Variants in BACH1 observed in about 807,000 individuals in gnomAD.
BACH1 encodes the protein transcription regulator protein BACH1.
In BACH1, 35 loss-of-function variants were observed where a neutral mutation model predicts 52.9. That is an observed-to-expected ratio of 0.66 (90% CI 0.51 to 0.88). BACH1 has a LOEUF of 0.88. BACH1 is among the 40% of genes least tolerant of loss of function. The pLI is 0.00. For synonymous variants in BACH1, 321 were observed against 319.6 expected (o/e 1.00, Z -0.05); for missense variants, 808 against 872.6 (o/e 0.93, Z 0.93).
Position 29,326,431 on chromosome 21 carries a change from G to A in BACH1, c.607G>A (p.Ala203Thr). 1 of 1,614,196 alleles carries A rather than the reference G, an allele frequency of 6.2e-7. No homozygotes were observed. The highest frequency in any genetic ancestry group is 1.1e-5 in the South Asian group (1 of 91,074). Residue 203 changes from alanine to threonine, a missense_variant, in exon 3 of 5, where the codon GCC (alanine) becomes ACC (threonine). Transcript: ENST00000286800. ...AGCCTCACCTCCTCTACAAGACAGTGCCAGTCAGACATATGAGTCCATGTG... is the reference window on the plus strand; with the variant it reads ...AGCCTCACCTCCTCTACAAGACAGTACCAGTCAGACATATGAGTCCATGTG... Reference protein sequence around the residue: ...AKASPPLQDSASQTYESMCLE... With the variant: ...AKASPPLQDSTSQTYESMCLE...
chr21:29,322,073 C>G (rs1330094730), intron 2 of BACH1, among the ~76,000 whole-genome samples: 2 of 152,166 alleles, frequency 1.3e-5, no homozygotes, highest in African/African-American at 2.4e-5. Flanking sequence ...GAAGCTCCCC[C>G]TTATAAAACC....
chr21:29,309,269 AAAAAG>A (rs2088693610), intron 1 of BACH1, among the ~76,000 whole-genome samples: 1 of 151,974 alleles, frequency 6.6e-6, no homozygotes, highest in Non-Finnish European at 1.5e-5. Flanking sequence ...AAAAAAAAAA[AAAAAG>A]AAAGATTCAC....
At chr21:29,360,362 C>G (rs776569022) in intron 2 of BACH1, among the ~76,000 whole-genome samples, 6 of 152,184 alleles carry the variant, frequency 3.9e-5, no homozygotes, top group Non-Finnish European at 7.4e-5. Context: ...TATCTAAAAG[C>G]AAGAAGTGAT....
intron 3 of BACH1, among the ~76,000 whole-genome samples, chr21:29,329,167 G>C (rs1419049579): frequency 6.6e-6 from 1 of 152,232 alleles, no homozygotes; most frequent in African/African-American, 2.4e-5. Flanking sequence ...AATTAGCCAG[G>C]CATGGTGGCA....
intron 1 of BACH1, among the ~76,000 whole-genome samples, chr21:29,312,760 A>G (rs1323712728): frequency 6.6e-6 from 1 of 152,204 alleles, no homozygotes; most frequent in East Asian, 1.9e-4. Context: ...GAGATAAAGA[A>G]TGCCTAAGTA....
rs143437195 is a variant in BACH1, at chr21:29,328,487, A to G, written c.1570-1000A>G. The stretch of plus-strand genomic sequence containing the variant: ...TATAATCACAATTTACATTCTTTTT[A>G]AAAATTATTTTTCTATTTTATCCAT... On this transcript the variant is annotated intron_variant, in intron 3 of 4. Transcript: ENST00000286800. Among the ~76,000 whole-genome samples, 41 of 151,604 alleles carry G rather than the reference A, an allele frequency of 2.7e-4. No individual in the cohort carries two copies. In the East Asian group the frequency reaches 7.7e-3, roughly 29 times the overall value.
At position 29,342,730 on chromosome 21, in the gene BACH1, C is replaced by T; in HGVS notation, c.2108C>T (p.Thr703Ile). 1 of 1,614,204 alleles carries T rather than the reference C, an allele frequency of 6.2e-7. No individual in the cohort carries two copies. The highest frequency in any genetic ancestry group is 8.5e-7 in the Non-Finnish European group (1 of 1,180,034). ...ARGQESQQMS[T>I]ATSEQAGPAE... ...GGGCAGGAGTCCCAGCAGATGTCCA[C>T]AGCCACCTCTGAGCAAGCTGGGCCT... The change falls in exon 5 of 5, where the codon ACA (threonine) becomes ATA (isoleucine). Residue 703 changes from threonine to isoleucine, a missense_variant. Coordinates refer to ENST00000286800, the MANE Select transcript of BACH1 (RefSeq NM_001186.4).
rs748500043 is a variant in BACH1 at position 29,342,880 on chromosome 21, T to C, written c.*47T>C. The C allele has an allele frequency of 2.9e-5, 44 of 1,519,936 alleles. No homozygotes were observed. Among genetic ancestry groups the C allele is most frequent in the Non-Finnish European group, 8.8e-7 (1 of 1,131,110 alleles). 94.2% of individuals were successfully genotyped at this position (1,519,936 alleles called of 1,614,324 possible). A position where few individuals can be genotyped will look rare whatever the true frequency, so the allele number is the denominator to read the frequency against. On this transcript the variant is annotated 3_prime_UTR_variant, in exon 5 of 5. Coordinates refer to ENST00000286800, the MANE Select transcript of BACH1 (RefSeq NM_001186.4). ...ACCATCTAATTTTCTCCTGAAGTTT[T>C]GGCAGCGTCTTGAAAGCCTAATATG...
intron 1 of BACH1, among the ~76,000 whole-genome samples, chr21:29,307,450 T>A (rs118055411): frequency 6.6e-6 from 1 of 152,160 alleles, no homozygotes; most frequent in African/African-American, 2.4e-5. Context: ...AAATCTACTC[T>A]CTTAGCAATT....
intron 2 of BACH1, among the ~76,000 whole-genome samples, chr21:29,355,931 C>T (rs549161556): frequency 1.3e-5 from 2 of 152,320 alleles, no homozygotes; most frequent in South Asian, 2.1e-4. Context: ...CAACACTCTT[C>T]CCCTAAGAAG....
chr21:29,358,804 A>AAGAC lies in BACH1; in HGVS notation c.472+29114_472+29115insCAGA, dbSNP rs1555888629. The stretch of plus-strand genomic sequence containing the variant: ...AAAGAAAGAAAGAAAGAAAGAAAGA[A>AAGAC]AGAAAGAAAGAAGAAAGAAAGAAAT... On this transcript the variant is annotated intron_variant, in intron 2 of 4. Coordinates refer to the BACH1 transcript ENST00000422809. Among the ~76,000 whole-genome samples the AAGAC allele has an allele frequency of 4.1e-3, 529 of 129,484 alleles. 5 individuals are homozygous for AAGAC. Among genetic ancestry groups the AAGAC allele is most frequent in the Middle Eastern group, 8.3e-3 (2 of 242 alleles). The allele number at this position is 129,484 out of a possible 152,430, so 84.9% of individuals were successfully genotyped here. A position where few individuals can be genotyped will look rare whatever the true frequency, so the allele number is the denominator to read the frequency against.
Position 29,344,330 on chromosome 21 carries a change from T to C in BACH1, c.*1497T>C, listed in dbSNP as rs539422529. 1.3e-5 allele frequency: 2 copies of C among 152,786 alleles called. No individual in the cohort carries two copies. Among genetic ancestry groups the C allele is most frequent in the Non-Finnish European group, 2.9e-5 (2 of 68,038 alleles). The allele number at this position is 152,786 out of a possible 1,614,324, so 9.5% of individuals were successfully genotyped here. A position where few individuals can be genotyped will look rare whatever the true frequency, so the allele number is the denominator to read the frequency against. On this transcript the variant is annotated 3_prime_UTR_variant, in exon 5 of 5. Coordinates refer to ENST00000286800, the MANE Select transcript of BACH1 (RefSeq NM_001186.4). ...CCTAGTGCAGGGCTTGTCTAGCTAA[T>C]GTGGGCAGCCACCACCCACTGTGTA...
chr21:29,322,037 G>C (rs1394709729), intron 2 of BACH1, among the ~76,000 whole-genome samples: 1 of 152,146 alleles, frequency 6.6e-6, no homozygotes, highest in Non-Finnish European at 1.5e-5. Flanking sequence ...CTTACGTGGT[G>C]GTGGGCAAGA....
intron 1 of BACH1, among the ~76,000 whole-genome samples, chr21:29,301,476 A>G (rs2088603051): frequency 1.3e-5 from 2 of 151,974 alleles, no homozygotes; most frequent in Admixed American, 6.5e-5. Context: ...TTAATATTCC[A>G]TTTAAGTTTT....
Position 29,344,633 on chromosome 21 carries a change from TTTGTG to T in BACH1, c.*1802_*1806del, listed in dbSNP as rs2089149507. 1 of 86,186 alleles carries T rather than the reference TTTGTG, an allele frequency of 1.2e-5. No homozygotes were observed. Among genetic ancestry groups the T allele is most frequent in the Non-Finnish European group, 2.1e-5 (1 of 48,240 alleles). 5.3% of individuals were successfully genotyped at this position (86,186 alleles called of 1,614,324 possible). A position where few individuals can be genotyped will look rare whatever the true frequency, so the allele number is the denominator to read the frequency against. ...TAGTGCATCCCATACTGCAAAAGAA[TTTGTG>T]TGTGTGTGTGTGTGTGTGTGTGTGT... is the stretch of plus-strand genomic sequence containing the variant. On this transcript the variant is annotated 3_prime_UTR_variant, in exon 5 of 5. Coordinates refer to ENST00000286800, the MANE Select transcript of BACH1 (RefSeq NM_001186.4).
intron 1 of BACH1, among the ~76,000 whole-genome samples, chr21:29,302,462 A>G (rs2088614124): frequency 6.6e-6 from 1 of 152,232 alleles, no homozygotes; most frequent in South Asian, 2.1e-4. Flanking sequence ...ATGGTTAAAA[A>G]GTAGTTCTGG....
At chr21:29,329,857 G>A (rs1412321039) in intron 4 of BACH1, among the ~76,000 whole-genome samples, 164 bp downstream of exon 4, 1 of 152,130 alleles carries the variant, frequency 6.6e-6, no homozygotes, top group East Asian at 1.9e-4. Flanking sequence ...TGATATGTAA[G>A]TGCTTTTTAA....
chr21:29,325,055 C>T (rs1040261252), intron 2 of BACH1, among the ~76,000 whole-genome samples: 4 of 152,028 alleles, frequency 2.6e-5, no homozygotes, highest in African/African-American at 9.7e-5. Context: ...GGTGAAACCC[C>T]CGTCTCTACT....
chr21:29,316,563 A>G (rs2088789124), intron 1 of BACH1, among the ~76,000 whole-genome samples: 1 of 152,230 alleles, frequency 6.6e-6, no homozygotes, highest in African/African-American at 2.4e-5. Flanking sequence ...GAGAAATGTT[A>G]GAAGGTGCAT....
Sources: gnomAD v4.1 joint callset for allele counts (sites outside exome capture counted in the v4.1 genomes callset) on GRCh38, gnomAD v4.1.1 for gene constraint, MANE v1.5 for transcripts, NCBI Gene and HGNC (gene_info 2026-07-23, HGNC 2026-07-21) for gene names.